ZNF564: variants seen among roughly 807,000 people sequenced by gnomAD.
The protein encoded by ZNF564 is zinc finger protein 564.
Under a neutral mutation model 10.5 loss-of-function variants are expected in ZNF564, and 5 were observed. That is an observed-to-expected ratio of 0.48 (90% CI 0.25 to 1.00). ZNF564 has a LOEUF of 1.00. ZNF564 is among the 50% of genes least tolerant of loss of function. The pLI is 0.16. For missense variants in ZNF564, 603 were observed against 669.7 expected, an observed-to-expected ratio of 0.90 and a Z score of 1.10; for synonymous variants, 242 against 218.1, an observed-to-expected ratio of 1.11 and a Z score of -0.97.
chr19:12,529,363 T>C (rs899435764), intron 1 of ZNF564, among the ~76,000 whole-genome samples: 3 of 151,956 alleles, frequency 2.0e-5, no homozygotes, highest in African/African-American at 7.2e-5. Context: ...CCCAGCACTT[T>C]GGGAGGCTGA....
intron 1 of ZNF564, among the ~76,000 whole-genome samples, chr19:12,549,961 G>A (rs571311654): frequency 5.9e-5 from 9 of 152,290 alleles, no homozygotes; most frequent in Admixed American, 4.6e-4. Context: ...ATTAGGCGTC[G>A]GGGCTTAGGA....
intron 1 of ZNF564, among the ~76,000 whole-genome samples, chr19:12,539,695 G>A (rs2022000767): frequency 6.7e-6 from 1 of 148,750 alleles, no homozygotes; most frequent in Non-Finnish European, 1.5e-5. Context: ...AAAGAAAAAG[G>A]CCAGGCGCAG....
chr19:12,529,984 CAAAAAAAAAA>C (rs553631056), intron 1 of ZNF564: 1 of 51,838 alleles, frequency 1.9e-5, no homozygotes, highest in East Asian at 6.1e-4. Flanking sequence ...AACTCTGTCT[CAAAAAAAAAA>C]AAAAAAAGAA....
intron 1 of ZNF564, among the ~76,000 whole-genome samples, chr19:12,531,963 G>A (rs1412049175): frequency 6.6e-6 from 1 of 152,112 alleles, no homozygotes; most frequent in Non-Finnish European, 1.5e-5. Flanking sequence ...TAAAAGTAAA[G>A]GGATAGGGAA....
At chr19:12,534,055 T>C (rs745348649) in intron 1 of ZNF564, among the ~76,000 whole-genome samples, 1 of 152,084 alleles carries the variant, frequency 6.6e-6, no homozygotes, top group Non-Finnish European at 1.5e-5. Context: ...AATAGAGAAC[T>C]TCCTCCTCAG....
chr19:12,542,265 C>T (rs28796607), intron 1 of ZNF564, among the ~76,000 whole-genome samples: 122 of 131,796 alleles, frequency 9.3e-4, no homozygotes, highest in African/African-American at 3.3e-3. Context: ...GTAAAGATCA[C>T]GGCACTACAC....
intron 1 of ZNF564, among the ~76,000 whole-genome samples, chr19:12,537,603 T>C (rs1331086276): frequency 6.6e-6 from 1 of 151,988 alleles, no homozygotes. Flanking sequence ...CCAGGTGTGG[T>C]GGCGCATGCC....
chr19:12,545,258 G>A (rs1404522446), intron 1 of ZNF564, among the ~76,000 whole-genome samples: 4 of 114,194 alleles, frequency 3.5e-5, no homozygotes, highest in African/African-American at 1.1e-4. Flanking sequence ...GCAAAATTCC[G>A]TCTCAAAAAA....
chr19:12,546,244 C>G (rs1303222026), intron 1 of ZNF564, among the ~76,000 whole-genome samples: 3 of 152,156 alleles, frequency 2.0e-5, no homozygotes, highest in Non-Finnish European at 4.4e-5. Context: ...TCTGACTAAA[C>G]CAACTCTGTG....
intron 1 of ZNF564, among the ~76,000 whole-genome samples, chr19:12,539,458 G>C (rs1478626006): frequency 6.9e-6 from 1 of 144,356 alleles, no homozygotes; most frequent in South Asian, 2.2e-4. Flanking sequence ...AGGAGTTCGA[G>C]ACCATCCTGG....
Position 12,527,101 on chromosome 19 carries a change from G to A in ZNF564, c.1007C>T (p.Pro336Leu), listed in dbSNP as rs780008056. The A allele has an allele frequency of 1.2e-6, 2 of 1,613,912 alleles. No individual in the cohort carries two copies. The highest frequency in any genetic ancestry group is 3.3e-5 in the Admixed American group (2 of 59,968). ...KHERTHTGEK[P>L]YECNKCGKTF... The stretch of plus-strand genomic sequence containing the variant: ...TTTACCACATTTATTACATTCATAG[G>A]GTTTCTCCCCAGTATGAGTTCTTTC... Residue 336 changes from proline (P) to leucine (L), a missense_variant, in exon 4 of 4, where the codon CCC (proline) becomes CTC (leucine). Transcript: ENST00000339282.
chr19:12,537,821 T>C (rs2021950578), intron 1 of ZNF564, among the ~76,000 whole-genome samples: 1 of 151,944 alleles, frequency 6.6e-6, no homozygotes, highest in African/African-American at 2.4e-5. Flanking sequence ...TGTATAAAAA[T>C]AACAGATTTT....
intron 1 of ZNF564, among the ~76,000 whole-genome samples, chr19:12,540,604 C>T (rs983585200): frequency 6.6e-6 from 1 of 152,124 alleles, no homozygotes; most frequent in Non-Finnish European, 1.5e-5. Context: ...CCTGTAATCC[C>T]AGCACTTTGG....
chr19:12,539,929 C>T (rs1452695392), intron 1 of ZNF564, among the ~76,000 whole-genome samples: 2 of 149,924 alleles, frequency 1.3e-5, no homozygotes, highest in African/African-American at 2.5e-5. Flanking sequence ...TGCAGTGAGC[C>T]GAGATCGCGC....
intron 1 of ZNF564, among the ~76,000 whole-genome samples, chr19:12,532,534 CAAAAAAAAAAAAAAA>C (rs35579003): frequency 5.1e-5 from 2 of 39,238 alleles, no homozygotes; most frequent in Admixed American, 3.6e-4. Flanking sequence ...GACTCCGTCT[CAAAAAAAAAAAAAAA>C]AAAAAAAAAA....
chr19:12,542,199 C>G (rs1348836117), intron 1 of ZNF564, among the ~76,000 whole-genome samples: 1 of 147,816 alleles, frequency 6.8e-6, no homozygotes, highest in Admixed American at 6.9e-5. Flanking sequence ...GTCCCAGCTA[C>G]TCGGGAGGCT....
At chr19:12,532,652 T>C (rs1286664771) in intron 1 of ZNF564, among the ~76,000 whole-genome samples, 1 of 150,716 alleles carries the variant, frequency 6.6e-6, no homozygotes, top group Non-Finnish European at 1.5e-5. Context: ...AGCCTGGGAG[T>C]TCAAGGCTGC....
At chr19:12,547,863 G>A (rs2022182320) in intron 1 of ZNF564, among the ~76,000 whole-genome samples, 1 of 150,972 alleles carries the variant, frequency 6.6e-6, no homozygotes, top group Non-Finnish European at 1.5e-5. Flanking sequence ...TCAGGCTGGA[G>A]TGCAGTGGCA....
chr19:12,537,477 G>A (rs1169978290), intron 1 of ZNF564, among the ~76,000 whole-genome samples: 1 of 152,126 alleles, frequency 6.6e-6, no homozygotes, highest in Admixed American at 6.5e-5. Flanking sequence ...GGTGGCTCAC[G>A]CCTGTAATTC....
Sources: gnomAD v4.1 joint callset for allele counts (sites outside exome capture counted in the v4.1 genomes callset) on GRCh38, gnomAD v4.1.1 for gene constraint, MANE v1.5 for transcripts, NCBI Gene and HGNC (gene_info 2026-07-23, HGNC 2026-07-21) for gene names.